GLI3: variants seen among roughly 807,000 people sequenced by gnomAD.
The protein encoded by GLI3 is GLI family zinc finger 3.
In GLI3, 20 loss-of-function variants were observed where a neutral mutation model predicts 100.8. The observed-to-expected ratio is 0.20, with a 90% confidence interval of 0.14 to 0.29. The LOEUF (loss-of-function observed/expected upper bound fraction) is 0.29. Ranked by LOEUF, GLI3 falls within the 10% of genes least tolerant of loss-of-function variation. GLI3 has a pLI of 1.00. For synonymous variants in GLI3, 938 were observed against 860.5 expected, an observed-to-expected ratio of 1.09 and a Z score of -1.58; for missense variants, 2,040 against 2,128.5, an observed-to-expected ratio of 0.96 and a Z score of 0.82.
chr7:42,220,593 A>G (rs908382055), intron 2 of GLI3, among the ~76,000 whole-genome samples: 37 of 152,316 alleles, frequency 2.4e-4, no homozygotes, highest in African/African-American at 8.9e-4. Context: ...CCAGCAATCC[A>G]CGCCCCTCAG....
At chr7:41,968,686 G>GAAGAAAGAAAGAAAGAAAGAAAGA (rs748578300) in intron 13 of GLI3, among the ~76,000 whole-genome samples, 11 of 76,202 alleles carry the variant, frequency 1.4e-4, no homozygotes, top group African/African-American at 4.2e-4. Flanking sequence ...AAGAAAGAAA[G>GAAGAAAGAAAGAAAGAAAGAAAGA]AAGAAAGAAA....
chr7:41,980,982 A>G (rs991334484), intron 10 of GLI3, among the ~76,000 whole-genome samples: 1 of 152,258 alleles, frequency 6.6e-6, no homozygotes, highest in Non-Finnish European at 1.5e-5. Context: ...TAATGGGATC[A>G]TAAGTCAGTG....
At chr7:41,974,140 G>A (rs1787439763) in intron 12 of GLI3, among the ~76,000 whole-genome samples, 1 of 152,194 alleles carries the variant, frequency 6.6e-6, no homozygotes, top group Admixed American at 6.5e-5. Context: ...CATGTTTGGA[G>A]AGCTACTCTT....
At chr7:42,264,236 G>A (rs1270616840), upstream of GLI3, among the ~76,000 whole-genome samples, 3 of 152,162 alleles carry the variant, frequency 2.0e-5, no homozygotes, top group Non-Finnish European at 4.4e-5. Flanking sequence ...TACCATGAAT[G>A]CCAGTTAGGG....
intron 3 of GLI3, among the ~76,000 whole-genome samples, chr7:42,146,401 A>G (rs529733341): frequency 6.6e-6 from 1 of 152,300 alleles, no homozygotes; most frequent in African/African-American, 2.4e-5. Flanking sequence ...AGAGGACGGG[A>G]AGATTCAATG....
chr7:41,966,505 C>A lies in GLI3; in HGVS notation c.2568G>T (p.Ser856=), dbSNP rs776382626. The A allele has an allele frequency of 3.1e-6, 5 of 1,613,560 alleles. No homozygotes were observed. In the South Asian group the frequency reaches 5.5e-5, roughly 18 times the overall value. The change falls in exon 15 of 15, where the codon TCG becomes TCT. Residue 856 remains serine (S), a synonymous_variant. Transcript: ENST00000395925. This position sits in a 1 kb window ranked among gnomAD's most constrained non-coding sequence, Gnocchi z 5.8. ...AGGAGCGGCGGCTGCTCAGGTAGGC[C>A]GAGCTGATGGTGCTGGCGCTGCTGT... is the stretch of plus-strand genomic sequence containing the variant. ...RRDSSASTIS[S]AYLSSRRSSG...
chr7:42,024,522 C>T (rs911852809), intron 9 of GLI3, among the ~76,000 whole-genome samples: 2 of 152,202 alleles, frequency 1.3e-5, no homozygotes, highest in African/African-American at 2.4e-5. Context: ...AGCCTGATGA[C>T]AGCAAGGTCC....
intron 2 of GLI3, among the ~76,000 whole-genome samples, chr7:42,213,004 T>C (rs989735757): frequency 6.6e-6 from 1 of 152,216 alleles, no homozygotes; most frequent in African/African-American, 2.4e-5. Context: ...TACTTTTCTT[T>C]CAAAGAACCT....
chr7:42,250,860 CAG>C (rs1270571001), intron 1 of GLI3, among the ~76,000 whole-genome samples: 1 of 152,176 alleles, frequency 6.6e-6, no homozygotes, highest in Non-Finnish European at 1.5e-5. Flanking sequence ...CCTCTGTAAT[CAG>C]ACCTCTAAAT....
intron 3 of GLI3, among the ~76,000 whole-genome samples, chr7:42,083,977 G>A (rs1306101472): frequency 6.6e-6 from 1 of 152,144 alleles, no homozygotes; most frequent in Non-Finnish European, 1.5e-5. Context: ...TACATAAAAT[G>A]CTAATTAACA....
chr7:42,228,660 T>G (rs1389709281), intron 1 of GLI3, among the ~76,000 whole-genome samples: 1 of 152,158 alleles, frequency 6.6e-6, no homozygotes, highest in Non-Finnish European at 1.5e-5. Flanking sequence ...CCACCCTGAG[T>G]GTCGCATTAT....
intron 6 of GLI3, among the ~76,000 whole-genome samples, chr7:42,044,119 TA>T (rs1432855756): frequency 6.6e-6 from 1 of 152,208 alleles, no homozygotes; most frequent in Non-Finnish European, 1.5e-5. Flanking sequence ...CTGTATGAAA[TA>T]ATCACCTTCT....
chr7:42,151,669 G>A (rs746856264), intron 2 of GLI3: 4 of 152,140 alleles, frequency 2.6e-5, no homozygotes, highest in Admixed American at 6.5e-5. Flanking sequence ...GGGTCAAACC[G>A]AAACATGCAA....
chr7:41,978,919 A>T (rs1488501163), intron 10 of GLI3, among the ~76,000 whole-genome samples, 171 bp from the exon 11 acceptor site: 2 of 152,218 alleles, frequency 1.3e-5, no homozygotes, highest in Non-Finnish European at 2.9e-5. Context: ...TCTCAAGTAA[A>T]TTTGCTTTTG....
intron 1 of GLI3, among the ~76,000 whole-genome samples, chr7:42,245,857 T>C (rs1265506364): frequency 2.7e-5 from 4 of 150,370 alleles, no homozygotes; most frequent in African/African-American, 9.8e-5. Context: ...AACAAACATT[T>C]GTTAAATGAA....
intron 3 of GLI3, among the ~76,000 whole-genome samples, chr7:42,090,129 T>C (rs1223997405): frequency 6.6e-6 from 1 of 152,156 alleles, no homozygotes; most frequent in East Asian, 1.9e-4. Context: ...AAATACAGTA[T>C]TAAAATATTT....
intron 10 of GLI3, among the ~76,000 whole-genome samples, chr7:42,013,381 A>G: frequency 6.9e-6 from 1 of 144,640 alleles, no homozygotes; most frequent in Non-Finnish European, 1.5e-5. Context: ...ATTCATAACT[A>G]GAAAATAAGA....
At chr7:42,250,275 A>G (rs1252937859) in intron 1 of GLI3, among the ~76,000 whole-genome samples, 1 of 152,140 alleles carries the variant, frequency 6.6e-6, no homozygotes, top group Non-Finnish European at 1.5e-5. Context: ...TTCACTCCTT[A>G]AAAGAAAAAA....
chr7:42,095,344 A>G (rs557863754), intron 3 of GLI3, among the ~76,000 whole-genome samples: 1 of 152,342 alleles, frequency 6.6e-6, no homozygotes, highest in South Asian at 2.1e-4. Context: ...AGGCCTGTTC[A>G]GGGCTCCTAC....
Sources: gnomAD v4.1 joint callset for allele counts (sites outside exome capture counted in the v4.1 genomes callset) on GRCh38, gnomAD v4.1.1 for gene constraint, Gnocchi (gnomAD v3.1) non-coding constraint, MANE v1.5 for transcripts, NCBI Gene and HGNC (gene_info 2026-07-23, HGNC 2026-07-21) for gene names.